The following ST6GALNAC5 variants were observed in gnomAD, a reference collection of about 807,000 sequenced individuals.
ST6GALNAC5 encodes ST6 N-acetylgalactosaminide alpha-2,6-sialyltransferase 5.
Under a neutral mutation model 33.6 loss-of-function variants are expected in ST6GALNAC5, and 27 were observed. The ratio of observed to expected loss-of-function variants is 0.80; its 90% confidence interval spans 0.59 to 1.11. The LOEUF is 1.11. Among genes scored for constraint, ST6GALNAC5 ranks in the 50% least tolerant of loss-of-function variants. The probability of loss-of-function intolerance (pLI) is 0.00; values close to 1 mark genes in which losing one functional copy is unlikely to be tolerated. For synonymous variants in ST6GALNAC5, 194 were observed against 171.2 expected, an observed-to-expected ratio of 1.13 and a Z score of -1.04; for missense variants, 428 against 454.0, an observed-to-expected ratio of 0.94 and a Z score of 0.52.
intron 2 of ST6GALNAC5, among the ~76,000 whole-genome samples, chr1:76,942,007 TA>T (rs1448231578): frequency 6.6e-6 from 1 of 152,086 alleles, no homozygotes; most frequent in Non-Finnish European, 1.5e-5. Context: ...AGGCGGGCCT[TA>T]AATGGCAGAA....
At chr1:76,997,067 G>C (rs1023616995) in intron 2 of ST6GALNAC5, among the ~76,000 whole-genome samples, 2 of 152,134 alleles carry the variant, frequency 1.3e-5, no homozygotes, top group East Asian at 3.9e-4. Context: ...CAATATGCTG[G>C]GTAAAGCAAA....
intron 2 of ST6GALNAC5, among the ~76,000 whole-genome samples, chr1:76,937,193 G>A (rs1438176212): frequency 6.6e-6 from 1 of 151,890 alleles, no homozygotes; most frequent in African/African-American, 2.4e-5. Context: ...GGTGTGAAAT[G>A]CAAGCCCTAA....
rs1167702261 is a variant in ST6GALNAC5 at position 77,028,716 on chromosome 1, T to C, written c.262-15488T>C. 6.6e-5 allele frequency among the ~76,000 whole-genome samples: 10 copies of C among 152,186 alleles called. 1 individual carries two copies. The highest frequency in any genetic ancestry group is 6.5e-4 in the Admixed American group (10 of 15,284). On this transcript the variant is annotated intron_variant, in intron 2 of 4. Coordinates refer to ENST00000477717, the MANE Select transcript of ST6GALNAC5 (RefSeq NM_030965.3). ...GTGGAAGCTCCTCTACAGATTAGCT[T>C]ATTGAACCCTCACAGCTTTATGAGC...
chr1:77,062,830 T>C, intron 4 of ST6GALNAC5, 145 bp from the exon 5 acceptor site: 1 of 620,174 alleles, frequency 1.6e-6, no homozygotes, highest in Non-Finnish European at 2.8e-6. Context: ...TTCCTTATTG[T>C]GTAATCAGAA....
chr1:76,904,942 G>C (rs1024554603), intron 2 of ST6GALNAC5, among the ~76,000 whole-genome samples: 2 of 152,136 alleles, frequency 1.3e-5, no homozygotes, highest in Non-Finnish European at 2.9e-5. Flanking sequence ...ATATATCCTT[G>C]TGGGGGGCTG....
chr1:76,905,816 A>G (rs1646858982), intron 2 of ST6GALNAC5, among the ~76,000 whole-genome samples: 1 of 152,176 alleles, frequency 6.6e-6, no homozygotes, highest in Admixed American at 6.5e-5. Context: ...GCACTGGGGT[A>G]GGTTTAGATT....
rs555995660 is a variant in ST6GALNAC5, at chr1:77,063,630, C to T, written c.*424C>T. On this transcript the variant is annotated 3_prime_UTR_variant, in exon 5 of 5. Coordinates refer to ENST00000477717, the MANE Select transcript of ST6GALNAC5 (RefSeq NM_030965.3). ...TCTATAACCTTTGTCATCTGTTAGA[C>T]TCTGTATGTGTGATTTGTAAAAAGC... is the stretch of plus-strand genomic sequence containing the variant. 1 of 181,392 alleles carries T rather than the reference C, an allele frequency of 5.5e-6. No homozygotes were observed. Among genetic ancestry groups the T allele is most frequent in the South Asian group, 1.3e-4 (1 of 7,502 alleles). 11.2% of individuals were successfully genotyped at this position (181,392 alleles called of 1,614,324 possible).
At chr1:76,945,542 C>T (rs559726201) in intron 2 of ST6GALNAC5, among the ~76,000 whole-genome samples, 1 of 152,206 alleles carries the variant, frequency 6.6e-6, no homozygotes, top group South Asian at 2.1e-4. Flanking sequence ...AACTAATGCA[C>T]AATCCCATAT....
At chr1:76,991,624 T>A (rs1649733378) in intron 2 of ST6GALNAC5, among the ~76,000 whole-genome samples, 2 of 152,202 alleles carry the variant, frequency 1.3e-5, no homozygotes, top group Non-Finnish European at 1.5e-5. Context: ...GACAGGTAAC[T>A]TTTTCTATTC....
In ST6GALNAC5 at chr1:76,875,175, T is replaced by G. The variant is rs566102514; in HGVS notation, c.261+6433T>G. 5.9e-5 allele frequency among the ~76,000 whole-genome samples: 9 copies of G among 152,348 alleles called. No homozygotes were observed. In the South Asian group the frequency reaches 1.4e-3, roughly 25 times the overall value. On this transcript the variant is annotated intron_variant, in intron 2 of 4. Coordinates refer to ENST00000477717, the MANE Select transcript of ST6GALNAC5 (RefSeq NM_030965.3). ...CTGCAGCTGCTCAAGTAGCTAGTAA[T>G]GATTACTACCTTCTTCTACTACTCA... is the stretch of plus-strand genomic sequence containing the variant.
rs35763299 is a variant in ST6GALNAC5 at position 77,044,323 on chromosome 1, C to A, written c.381C>A (p.Pro127=). 38,699 of 1,614,002 alleles carry A rather than the reference C, an allele frequency of 0.024. 631 individuals are homozygous for A. Among genetic ancestry groups the A allele is most frequent in the Middle Eastern group, 0.058 (350 of 6,058 alleles). ...GTGTCATCCGCATGAATGACGCCCC[C>A]ACACGCGGCTATGGGCGTGACGTGG... ...TECVIRMNDA[P]TRGYGRDVGN... The change falls in exon 3 of 5, where the codon CCC becomes CCA. Residue 127 remains proline (P), a synonymous_variant. Coordinates refer to ENST00000477717, the MANE Select transcript of ST6GALNAC5 (RefSeq NM_030965.3).
intron 2 of ST6GALNAC5, among the ~76,000 whole-genome samples, chr1:76,991,722 A>G (rs1189787652): frequency 1.3e-5 from 2 of 152,130 alleles, no homozygotes; most frequent in Non-Finnish European, 1.5e-5. Flanking sequence ...AGCCCACAGA[A>G]CATAGCTGCC....
At chr1:76,940,647 G>A (rs1261018688) in intron 2 of ST6GALNAC5, among the ~76,000 whole-genome samples, 2 of 152,000 alleles carry the variant, frequency 1.3e-5, no homozygotes, top group African/African-American at 4.8e-5. Flanking sequence ...CCAAAATCTG[G>A]TTCTTTGCCC....
At chr1:76,958,371 T>C (rs778727246) in intron 2 of ST6GALNAC5, among the ~76,000 whole-genome samples, 1 of 152,232 alleles carries the variant, frequency 6.6e-6, no homozygotes, top group Non-Finnish European at 1.5e-5. Context: ...TCTTCCGCTA[T>C]GTAGTTGTTT....
chr1:76,937,470 T>C (rs183292786), intron 2 of ST6GALNAC5, among the ~76,000 whole-genome samples: 44 of 152,084 alleles, frequency 2.9e-4, no homozygotes, highest in African/African-American at 8.9e-4. Flanking sequence ...AAGGAAAATA[T>C]TTGATAGCTT....
intron 4 of ST6GALNAC5, among the ~76,000 whole-genome samples, chr1:77,061,168 T>C (rs1250919211): frequency 6.6e-6 from 1 of 152,126 alleles, no homozygotes; most frequent in African/African-American, 2.4e-5. Context: ...CTACAGAACA[T>C]AGAGATAATT....
intron 2 of ST6GALNAC5, among the ~76,000 whole-genome samples, chr1:76,920,540 C>T (rs1335116023): frequency 3.3e-5 from 5 of 152,208 alleles, no homozygotes; most frequent in Admixed American, 3.3e-4. Flanking sequence ...CAAACTAACA[C>T]TGTAAGTTTA....
intron 2 of ST6GALNAC5, among the ~76,000 whole-genome samples, chr1:76,904,595 C>T (rs753966142): frequency 1.3e-5 from 2 of 152,126 alleles, no homozygotes; most frequent in African/African-American, 4.8e-5. Context: ...GAGGCTGAAG[C>T]GAGTGGATCA....
intron 2 of ST6GALNAC5, among the ~76,000 whole-genome samples, chr1:76,951,866 A>C (rs1300456923): frequency 5.3e-5 from 8 of 152,094 alleles, no homozygotes. Flanking sequence ...CTGATGAATG[A>C]ATATAGTCCC....
Sources: gnomAD v4.1 joint callset for allele counts (sites outside exome capture counted in the v4.1 genomes callset) on GRCh38, gnomAD v4.1.1 for gene constraint, MANE v1.5 for transcripts, NCBI Gene and HGNC (gene_info 2026-07-23, HGNC 2026-07-21) for gene names.